The following ARNT variants were observed in gnomAD, a reference collection of about 807,000 sequenced individuals.
The protein encoded by ARNT is aryl hydrocarbon receptor nuclear translocator.
ARNT carries 30 observed loss-of-function variants against 105.0 expected under a neutral mutation model. The ratio of observed to expected loss-of-function variants is 0.29; its 90% CI spans 0.21 to 0.39. ARNT has a LOEUF of 0.39. Among genes scored for constraint, ARNT ranks in the 10% least tolerant of loss-of-function variants. The pLI is 1.00. For missense variants in ARNT, 748 were observed against 978.7 expected (o/e 0.76, Z 3.15); for synonymous variants, 304 against 344.0 (o/e 0.88, Z 1.29).
At chr1:150,870,779 G>A (rs1272379449) in intron 1 of ARNT, among the ~76,000 whole-genome samples, 1 of 151,978 alleles carries the variant, frequency 6.6e-6, no homozygotes, top group Non-Finnish European at 1.5e-5. Context: ...AAAGTGCTAG[G>A]ATTACAGGTA....
At chr1:150,832,035 CA>C in intron 9 of ARNT, 132 bp from the exon 10 acceptor site, 2 of 730,412 alleles carry the variant, frequency 2.7e-6, no homozygotes, top group Non-Finnish European at 2.2e-6. Context: ...CTTTCCCACC[CA>C]AAAATGACCG....
rs1020661398 is a variant in ARNT, at chr1:150,844,665, T to C, written c.227+1598A>G. Among the ~76,000 whole-genome samples the C allele has an allele frequency of 1.2e-4, 19 of 152,320 alleles. 1 individual carries two copies. In the East Asian group the frequency reaches 3.3e-3, roughly 26 times the overall value. On this transcript the variant is annotated intron_variant, in intron 4 of 21. Coordinates refer to ENST00000358595, the MANE Select transcript of ARNT (RefSeq NM_001668.4). ...AAAAAAGAAATAATTTATTGCCTAA[T>C]ATTTAATAAAAACTTTCTAAAAAGA...
At chr1:150,874,078 C>T (rs1667897861) in intron 1 of ARNT, among the ~76,000 whole-genome samples, 1 of 101,632 alleles carries the variant, frequency 9.8e-6, no homozygotes, top group South Asian at 3.8e-4. Flanking sequence ...GTAGAAAAAA[C>T]TCAAAGAAAT....
chr1:150,814,174 A>G lies in ARNT; in HGVS notation c.2016T>C (p.Thr672=). ...TSQFGVGSFQ[T]PSSFSSMSLP... ...GGGACATGGAGCTGAAGGAGGATGG[A>G]GTCTGAAAGCTGCCCACACCAAACT... The change falls in exon 20 of 22, where the codon ACT becomes ACC. Residue 672 remains threonine, a synonymous_variant. Coordinates refer to ENST00000358595, the MANE Select transcript of ARNT (RefSeq NM_001668.4). The G allele has an allele frequency of 6.2e-7, 1 of 1,614,184 alleles. No homozygotes were observed. Among genetic ancestry groups the G allele is most frequent in the Non-Finnish European group, 8.5e-7 (1 of 1,180,032 alleles).
intron 10 of ARNT, chr1:150,830,216 T>C (rs1659114036): frequency 2.4e-6 from 1 of 413,334 alleles, no homozygotes. Flanking sequence ...CATGGTGGCA[T>C]GCACCTGTAA....
At chr1:150,854,883 G>A (rs1344071701) in intron 2 of ARNT, among the ~76,000 whole-genome samples, 1 of 148,586 alleles carries the variant, frequency 6.7e-6, no homozygotes, top group Non-Finnish European at 1.5e-5. Context: ...AAAAAGGGAA[G>A]GGGAAAGAGA....
chr1:150,857,604 A>G (rs967409008), intron 2 of ARNT, among the ~76,000 whole-genome samples: 6 of 152,348 alleles, frequency 3.9e-5, no homozygotes, highest in Admixed American at 3.3e-4. Flanking sequence ...AGAAGGAAAA[A>G]GGAAAATTTA....
At position 150,812,098 on chromosome 1, in the gene ARNT, T is replaced by G. The variant is rs1654839321; in HGVS notation, c.2293A>C (p.Met765Leu). The change falls in exon 22 of 22, where the codon ATG becomes CTG. Residue 765 changes from methionine to leucine, a missense_variant. Physicochemically the swap from Met to Leu is conservative, Grantham distance 15. This residue lies in a region of ARNT where 360 missense variants were observed against 411.9 expected (regional missense o/e 0.87). Transcript: ENST00000358595. ...TAGCTGTTGCTCTGATCTCCCAGCA[T>G]GGACAGCATCTCCTGATAAAAGAAA... ...QPEVFQEMLSMLGDQSNSYNN... is the reference protein window; with the variant it reads ...QPEVFQEMLSLLGDQSNSYNN... 6.4e-7 allele frequency: 1 copy of G among 1,568,160 alleles called. No individual in the cohort carries two copies. The highest frequency in any genetic ancestry group is 8.7e-7 in the Non-Finnish European group (1 of 1,154,598).
intron 14 of ARNT, 161 bp from the exon 15 acceptor site, chr1:150,818,191 C>T (rs1656341115): frequency 1.9e-6 from 1 of 525,792 alleles, no homozygotes; most frequent in African/African-American, 1.9e-5. Flanking sequence ...TATAGTTAAT[C>T]TAGGGTGTCA....
chr1:150,836,377 C>G lies in ARNT; in HGVS notation c.603G>C (p.Gln201His). The change falls in exon 7 of 22, where the codon CAG becomes CAC. Residue 201 changes from glutamine (Q) to histidine (H), a missense_variant. Gln to His is a conservative substitution (Grantham distance 24, BLOSUM62 0). Coordinates refer to ENST00000358595, the MANE Select transcript of ARNT (RefSeq NM_001668.4). ...DSVTPVLNQP[Q>H]SEWFGSTLYD... is the part of the protein sequence containing the mutation. ...AGAGTGTGCTGCCAAACCATTCAGACTGTGGCTGGTTCAAAACAGGAGTCA... is the reference window on the plus strand; with the variant it reads ...AGAGTGTGCTGCCAAACCATTCAGAGTGTGGCTGGTTCAAAACAGGAGTCA... 1.2e-6 allele frequency: 2 copies of G among 1,614,154 alleles called. No homozygotes were observed. The highest frequency in any genetic ancestry group is 1.7e-6 in the Non-Finnish European group (2 of 1,180,014).
intron 3 of ARNT, among the ~76,000 whole-genome samples, chr1:150,850,270 C>T (rs929736136): frequency 6.6e-6 from 1 of 151,594 alleles, no homozygotes; most frequent in Non-Finnish European, 1.5e-5. Flanking sequence ...CCTCTCCCCA[C>T]GGTCTCCCTC....
Position 150,826,708 on chromosome 1 carries a change from G to A in ARNT, c.1168-91C>T, listed in dbSNP as rs587748109. On this transcript the variant is annotated intron_variant, in intron 12 of 21. Transcript: ENST00000358595. ...TGCCCAGGCTGGAGTACGATGGCGC[G>A]ATCTTGGCTCACTGCAACCTCCACC... The A allele has an allele frequency of 4.2e-5, 40 of 948,034 alleles. No homozygotes were observed. In the African/African-American group the frequency reaches 4.8e-4, roughly 11 times the overall value. The allele number at this position is 948,034 out of a possible 1,614,324, so 58.7% of individuals were successfully genotyped here.
chr1:150,826,712 T>C lies in ARNT; in HGVS notation c.1168-95A>G, dbSNP rs898928356. ...CAGGCTGGAGTACGATGGCGCGATC[T>C]TGGCTCACTGCAACCTCCACCTCCT... On this transcript the variant is annotated intron_variant, in intron 12 of 21. Coordinates refer to ENST00000358595, the MANE Select transcript of ARNT (RefSeq NM_001668.4). The C allele has an allele frequency of 1.8e-5, 16 of 874,394 alleles. No homozygotes were observed. The African/African-American group carries it at 2.7e-4, about 15-fold the overall frequency. The allele number at this position is 874,394 out of a possible 1,614,324, so 54.2% of individuals were successfully genotyped here. A position where few individuals can be genotyped will look rare whatever the true frequency, so the allele number is the denominator to read the frequency against.
Position 150,839,540 on chromosome 1 carries a change from T to C in ARNT, c.387A>G (p.Leu129=). Residue 129 remains leucine (L), a synonymous_variant, in exon 6 of 22, where the codon CTA becomes CTG. Transcript: ENST00000358595. The part of the protein sequence containing the change: ...CSALARKPDK[L]TILRMAVSHM... ...GAGAAACTGCCATGCGTAAGATGGT[T>C]AGCTTGTCTGGTTTTCGAGCCAGGG... 6.2e-7 allele frequency: 1 copy of C among 1,614,198 alleles called. No homozygotes were observed. Among genetic ancestry groups the C allele is most frequent in the Non-Finnish European group, 8.5e-7 (1 of 1,180,026 alleles).
intron 1 of ARNT, among the ~76,000 whole-genome samples, chr1:150,864,694 A>G (rs1263345036): frequency 6.7e-6 from 1 of 149,458 alleles, no homozygotes; most frequent in Non-Finnish European, 1.5e-5. Flanking sequence ...GCGCACCAGC[A>G]TGGCACATGT....
intron 19 of ARNT, among the ~76,000 whole-genome samples, chr1:150,815,797 G>T (rs1002435142): frequency 6.0e-5 from 9 of 149,042 alleles, no homozygotes; most frequent in Non-Finnish European, 1.0e-4. Flanking sequence ...CCGGGAGGCA[G>T]AGCTTGCAGT....
intron 1 of ARNT, among the ~76,000 whole-genome samples, chr1:150,859,439 C>T (rs939648841): frequency 2.3e-4 from 35 of 151,856 alleles, no homozygotes; most frequent in Non-Finnish European, 4.0e-4. Flanking sequence ...CTCAACCTCC[C>T]GGGCTCCAGT....
chr1:150,828,959 G>A, intron 12 of ARNT, 134 bp downstream of exon 12: 3 of 1,036,718 alleles, frequency 2.9e-6, no homozygotes, highest in Non-Finnish European at 2.7e-6. Flanking sequence ...ATAATGTTAG[G>A]TACTAACAGA....
intron 2 of ARNT, among the ~76,000 whole-genome samples, chr1:150,855,606 A>G (rs1664457651): frequency 1.3e-5 from 2 of 152,184 alleles, no homozygotes; most frequent in South Asian, 2.1e-4. Flanking sequence ...ATATGTAACA[A>G]TATTTTTTTA....
Sources: allele counts gnomAD v4.1 joint callset (sites outside exome capture counted in the v4.1 genomes callset), GRCh38; gene constraint gnomAD v4.1.1; regional missense constraint gnomAD v4.1.1; transcripts MANE v1.5; gene names NCBI Gene and HGNC (gene_info 2026-07-23, HGNC 2026-07-21).